Variants in ZCWPW1 observed in about 807,000 individuals in gnomAD.
ZCWPW1 encodes zinc finger CW-type PWWP domain protein 1.
ZCWPW1 carries 56 observed loss-of-function variants against 81.3 expected under a neutral mutation model. That is an observed-to-expected ratio of 0.69 (90% confidence interval 0.56 to 0.86). The LOEUF (loss-of-function observed/expected upper bound fraction) is 0.86. ZCWPW1 is among the 40% of genes least tolerant of loss of function. The probability of loss-of-function intolerance (pLI) is 0.00; values close to 1 mark genes in which losing one functional copy is unlikely to be tolerated. For missense variants in ZCWPW1, 650 were observed against 769.8 expected (o/e 0.84, Z 1.84); for synonymous variants, 250 against 273.7 (o/e 0.91, Z 0.86).
chr7:100,417,879 G>T (rs572728635), intron 5 of ZCWPW1, among the ~76,000 whole-genome samples: 24 of 151,204 alleles, frequency 1.6e-4, no homozygotes, highest in Non-Finnish European at 2.8e-4. Flanking sequence ...TTGGTTTTTG[G>T]TTTTTGTTTT....
chr7:100,409,350 T>G, intron 9 of ZCWPW1, 78 bp downstream of exon 9: 1 of 1,157,558 alleles, frequency 8.6e-7, no homozygotes, highest in South Asian at 1.3e-5. Context: ...TACGTAGTAT[T>G]TAATCTAAAG....
intron 8 of ZCWPW1, among the ~76,000 whole-genome samples, 189 bp downstream of exon 8, chr7:100,415,786 A>G (rs950042555): frequency 2.0e-5 from 3 of 152,216 alleles, no homozygotes; most frequent in African/African-American, 7.2e-5. Flanking sequence ...TAGGCACCCA[A>G]CAACTATGGA....
chr7:100,418,845 G>T, intron 5 of ZCWPW1: 1 of 238,698 alleles, frequency 4.2e-6, no homozygotes, highest in Non-Finnish European at 7.9e-6. Context: ...TCCCATAATG[G>T]CTTGAAAATT....
intron 1 of ZCWPW1, among the ~76,000 whole-genome samples, chr7:100,428,306 C>G (rs930049463): frequency 6.6e-6 from 1 of 152,110 alleles, no homozygotes; most frequent in African/African-American, 2.4e-5. Flanking sequence ...GCGGTGCGCT[C>G]GCGGGGCCGA....
chr7:100,410,647 T>C (rs192787100), intron 8 of ZCWPW1, among the ~76,000 whole-genome samples: 1,532 of 152,268 alleles, frequency 0.01, 17 homozygotes, highest in South Asian at 0.018. Context: ...CTTGACTTTT[T>C]TCTTCATGTC....
At chr7:100,426,717 C>G (rs756130494) in intron 1 of ZCWPW1, among the ~76,000 whole-genome samples, 1 of 139,726 alleles carries the variant, frequency 7.2e-6, no homozygotes, top group South Asian at 2.5e-4. Flanking sequence ...TTCTGTCTCC[C>G]TTTGTCCCTC....
chr7:100,407,304 C>T lies in ZCWPW1; in HGVS notation c.993-1G>A. 6.2e-7 allele frequency: 1 copy of T among 1,613,332 alleles called. No homozygotes were observed. The highest frequency in any genetic ancestry group is 2.2e-5 in the East Asian group (1 of 44,870). ...ATCAGATTCTATCATGCCTGGCCAC[C>T]TGGAGAAGATAGTTGGGTGTAGGGG... On this transcript the variant is annotated splice_acceptor_variant, in intron 10 of 17. Transcript: ENST00000684423. LOFTEE classifies it high-confidence loss of function.
chr7:100,404,702 T>C (rs1391092769), intron 13 of ZCWPW1, among the ~76,000 whole-genome samples: 1 of 152,170 alleles, frequency 6.6e-6, no homozygotes, highest in African/African-American at 2.4e-5. Context: ...ACATTAGGCT[T>C]ATCTGACTTT....
At position 100,401,892 on chromosome 7, in the gene ZCWPW1, G is replaced by A. The variant is rs763310132; in HGVS notation, c.1624C>T (p.Pro542Ser). 1 of 1,611,434 alleles carries A rather than the reference G, an allele frequency of 6.2e-7. No individual in the cohort carries two copies. The highest frequency in any genetic ancestry group is 8.5e-7 in the Non-Finnish European group (1 of 1,178,524). Residue 542 changes from proline (P) to serine (S), a missense_variant, in exon 17 of 18, where the codon CCA becomes TCA. By Grantham distance (74) the Pro-to-Ser change is moderately conservative. Coordinates refer to ENST00000684423, the MANE Select transcript of ZCWPW1 (RefSeq NM_001386010.1). ...TTTCCCAGGCCTTGAGCCTTACCTG[G>A]CTGGTCAGAATCTGAATTCCCTTGG... The part of the protein sequence containing the change: ...EGQGNSDSDQ[P>S]GPKKKFKAPQ...
chr7:100,422,367 TGG>T (rs1796515291), intron 2 of ZCWPW1, among the ~76,000 whole-genome samples: 1 of 152,144 alleles, frequency 6.6e-6, no homozygotes, highest in Non-Finnish European at 1.5e-5. Context: ...CCAGGTACTC[TGG>T]GGGTAAAAGG....
At chr7:100,412,172 C>A (rs1468492817) in intron 8 of ZCWPW1, among the ~76,000 whole-genome samples, 4 of 152,196 alleles carry the variant, frequency 2.6e-5, no homozygotes, top group Non-Finnish European at 5.9e-5. Flanking sequence ...CCCCATGATA[C>A]ACTTTCTCCT....
intron 1 of ZCWPW1, among the ~76,000 whole-genome samples, chr7:100,427,437 T>C (rs1340001707): frequency 6.6e-6 from 1 of 151,022 alleles, no homozygotes; most frequent in Admixed American, 6.6e-5. Flanking sequence ...CGGTGGCGCG[T>C]GCCTGTAATC....
At chr7:100,422,664 A>G (rs1299019756) in intron 2 of ZCWPW1, among the ~76,000 whole-genome samples, 2 of 152,052 alleles carry the variant, frequency 1.3e-5, no homozygotes, top group African/African-American at 4.8e-5. Context: ...TAGTGTACAG[A>G]TAATTTTGTT....
In ZCWPW1 at chr7:100,406,782, G is replaced by C; in HGVS notation, c.1085C>G (p.Thr362Arg). 6.2e-7 allele frequency: 1 copy of C among 1,614,002 alleles called. No individual in the cohort carries two copies. The highest frequency in any genetic ancestry group is 2.2e-5 in the East Asian group (1 of 44,880). ...LDSLPSKYHV[T>R]FFGETVSRAW... is the part of the protein sequence containing the mutation. ...ACGAGAAACTGTTTCTCCAAAAAAC[G>C]TCACATGGTACTTAGACTGAAATAA... is the stretch of plus-strand genomic sequence containing the variant. The change falls in exon 12 of 18, where the codon ACG becomes AGG. Residue 362 changes from threonine to arginine, a missense_variant. Physicochemically the swap from Thr to Arg is moderately conservative, Grantham distance 71 (BLOSUM62 -1). Coordinates refer to ENST00000684423, the MANE Select transcript of ZCWPW1 (RefSeq NM_001386010.1).
intron 2 of ZCWPW1, 32 bp downstream of exon 2, chr7:100,424,998 T>C (rs1030971985): frequency 9.2e-5 from 14 of 152,172 alleles, no homozygotes; most frequent in African/African-American, 3.1e-4. Context: ...TCTGTGCATG[T>C]GATAACACTG....
chr7:100,400,997 G>A lies in ZCWPW1; in HGVS notation c.*17C>T. Reference sequence around the variant, plus strand: ...GCCCCAGAGAAGGGAGAAAAAGAGGGAGCAGAGGAGCACCAGCTACTTCCC... The same window carrying A: ...GCCCCAGAGAAGGGAGAAAAAGAGGAAGCAGAGGAGCACCAGCTACTTCCC... On this transcript the variant is annotated 3_prime_UTR_variant, in exon 18 of 18. Transcript: ENST00000684423. The A allele has an allele frequency of 1.3e-6, 2 of 1,589,404 alleles. No individual in the cohort carries two copies. Among genetic ancestry groups the A allele is most frequent in the Non-Finnish European group, 1.7e-6 (2 of 1,166,574 alleles).
intron 1 of ZCWPW1, among the ~76,000 whole-genome samples, chr7:100,425,433 G>T (rs1797146581): frequency 6.6e-6 from 1 of 152,108 alleles, no homozygotes; most frequent in Admixed American, 6.5e-5. Flanking sequence ...GAGGGAAAAA[G>T]AACTTAGAAA....
At chr7:100,418,073 C>T (rs58243214) in intron 5 of ZCWPW1, among the ~76,000 whole-genome samples, 2 of 151,906 alleles carry the variant, frequency 1.3e-5, no homozygotes, top group Non-Finnish European at 2.9e-5. Context: ...TTAGTAGAGA[C>T]GGGGTTTCAC....
Position 100,401,949 on chromosome 7 carries a change from G to A in ZCWPW1, c.1567C>T (p.Pro523Ser), listed in dbSNP as rs1218238019. ...KRSLGRKSTA[P>S]PAPRMGRKEG... ...TTCCTTCCCATTCTGGGTGCAGGAG[G>A]AGCTGTGGATTTCCTGCCTAGAGAT... Residue 523 changes from proline to serine, a missense_variant, in exon 17 of 18, where the codon CCT becomes TCT. Transcript: ENST00000684423. 1 of 1,614,188 alleles carries A rather than the reference G, an allele frequency of 6.2e-7. No homozygotes were observed. The highest frequency in any genetic ancestry group is 8.5e-7 in the Non-Finnish European group (1 of 1,180,032).
Sources: allele counts gnomAD v4.1 joint callset (sites outside exome capture counted in the v4.1 genomes callset), GRCh38; gene constraint gnomAD v4.1.1; transcripts MANE v1.5; gene names NCBI Gene and HGNC (gene_info 2026-07-23, HGNC 2026-07-21).